Variants in TENM2 observed in about 807,000 individuals in gnomAD.
The protein encoded by TENM2 is teneurin transmembrane protein 2.
Under a neutral mutation model 245.2 loss-of-function variants are expected in TENM2, and 52 were observed. The observed-to-expected ratio is 0.21, with a 90% CI of 0.17 to 0.27. TENM2 has a LOEUF of 0.27. Among genes scored for constraint, TENM2 ranks in the 10% least tolerant of loss-of-function variants. TENM2 has a pLI of 1.00. For missense variants in TENM2, 3,046 were observed against 3,666.8 expected, an observed-to-expected ratio of 0.83 and a Z score of 4.37; for synonymous variants, 1,363 against 1,438.9, an observed-to-expected ratio of 0.95 and a Z score of 1.19.
the TENM2 span, among the ~76,000 whole-genome samples, chr5:167,169,928 A>G: frequency 1.3e-5 from 2 of 152,198 alleles, no homozygotes; most frequent in African/African-American, 2.4e-5. Context: ...CTTGACAGAT[A>G]GGGCCATCTA....
At chr5:167,471,670 T>A (rs1767037949) in intron 2 of TENM2, among the ~76,000 whole-genome samples, 2 of 152,220 alleles carry the variant, frequency 1.3e-5, no homozygotes. Context: ...CGTGGCAGAC[T>A]ATATAATACG....
At chr5:167,886,694 G>T (rs746753680) in intron 3 of TENM2, among the ~76,000 whole-genome samples, 2 of 152,138 alleles carry the variant, frequency 1.3e-5, no homozygotes, top group African/African-American at 4.8e-5. Context: ...GTTATAGAAC[G>T]ATTTAATTCT....
intron 2 of TENM2, among the ~76,000 whole-genome samples, chr5:167,446,793 GCACACACA>G (rs34343283): frequency 0.011 from 1,594 of 143,994 alleles, 26 homozygotes; most frequent in African/African-American, 0.033. Context: ...TTTGAAACAC[GCACACACA>G]CACACACACA....
chr5:168,156,456 A>G (rs1485402981), intron 12 of TENM2, among the ~76,000 whole-genome samples: 1 of 151,962 alleles, frequency 6.6e-6, no homozygotes. Context: ...TTTCTTAGGC[A>G]TGCTTGATGT....
the TENM2 span, among the ~76,000 whole-genome samples, chr5:167,066,571 C>T: frequency 5.4e-5 from 8 of 149,182 alleles, no homozygotes; most frequent in Admixed American, 1.3e-4. Context: ...GTGATGTTCC[C>T]CTTCCTGTGT....
At chr5:167,629,628 A>G (rs1398270657) in intron 2 of TENM2, among the ~76,000 whole-genome samples, 1 of 152,216 alleles carries the variant, frequency 6.6e-6, no homozygotes. Context: ...AACTCTGAAC[A>G]CTTTCAAGGC....
At chr5:167,313,896 T>C (rs1013561402) in intron 1 of TENM2, among the ~76,000 whole-genome samples, 2 of 152,172 alleles carry the variant, frequency 1.3e-5, no homozygotes, top group African/African-American at 2.4e-5. Context: ...TCAATCCCAT[T>C]TGGAGTAAAG....
rs138488648 is a variant in TENM2, at chr5:168,057,420, C to T, written c.1310-4640C>T. On this transcript the variant is annotated intron_variant, in intron 6 of 28. Transcript: ENST00000518659. Reference sequence around the variant, plus strand: ...GACCACAATAGGCTAATAAGGAATGCCATTTAAGATATCTTTGGGTCTGAG... The same window carrying T: ...GACCACAATAGGCTAATAAGGAATGTCATTTAAGATATCTTTGGGTCTGAG... Among the ~76,000 whole-genome samples the T allele has an allele frequency of 9.9e-5, 15 of 152,132 alleles. No homozygotes were observed. In the East Asian group the frequency reaches 2.7e-3, roughly 28 times the overall value.
chr5:167,020,617 CA>C, the TENM2 span, among the ~76,000 whole-genome samples: 6 of 152,168 alleles, frequency 3.9e-5, no homozygotes, highest in Non-Finnish European at 7.3e-5. Context: ...CTTCTCTGTG[CA>C]ACTGATTGAA....
chr5:167,581,975 T>C (rs1464400356), intron 2 of TENM2, among the ~76,000 whole-genome samples: 1 of 152,092 alleles, frequency 6.6e-6, no homozygotes, highest in African/African-American at 2.4e-5. Context: ...TAGGTATCTC[T>C]ACATTTTACA....
chr5:167,721,646 T>C (rs983192226), intron 2 of TENM2, among the ~76,000 whole-genome samples: 3 of 152,156 alleles, frequency 2.0e-5, no homozygotes, highest in African/African-American at 7.2e-5. Context: ...ATTTCCCCAC[T>C]TAGAAGGACA....
At chr5:167,020,524 G>T in the TENM2 span, among the ~76,000 whole-genome samples, 1 of 152,176 alleles carries the variant, frequency 6.6e-6, no homozygotes, top group South Asian at 2.1e-4. Flanking sequence ...TGGGGTGAAA[G>T]GTTTTGCTAG....
At chr5:168,135,419 G>A (rs1370490400) in intron 12 of TENM2, among the ~76,000 whole-genome samples, 1 of 152,142 alleles carries the variant, frequency 6.6e-6, no homozygotes, top group Non-Finnish European at 1.5e-5. Context: ...AAAGCTTGCT[G>A]TTATTGCCTT....
intron 27 of TENM2, among the ~76,000 whole-genome samples, chr5:168,256,842 G>A (rs984574307): frequency 5.9e-5 from 9 of 152,190 alleles, no homozygotes; most frequent in Non-Finnish European, 1.2e-4. Context: ...TCTCCTTAGA[G>A]GGTTCTTATA....
the TENM2 span, among the ~76,000 whole-genome samples, chr5:167,220,529 A>C: frequency 6.6e-6 from 1 of 152,212 alleles, no homozygotes. Flanking sequence ...ATCCCAAATA[A>C]GAATCAATGT....
the TENM2 span, among the ~76,000 whole-genome samples, chr5:167,250,257 G>A: frequency 2.0e-5 from 3 of 152,080 alleles, no homozygotes; most frequent in South Asian, 2.1e-4. Context: ...AGAGATCAAA[G>A]CTGCAGTAAG....
intron 2 of TENM2, among the ~76,000 whole-genome samples, chr5:167,505,998 T>C (rs1354453912): frequency 6.6e-6 from 1 of 151,760 alleles, no homozygotes; most frequent in Non-Finnish European, 1.5e-5. Flanking sequence ...CTGGGTAACA[T>C]AGTGAGACCC....
At chr5:167,448,510 T>A (rs1256590747) in intron 2 of TENM2, among the ~76,000 whole-genome samples, 1 of 149,178 alleles carries the variant, frequency 6.7e-6, no homozygotes, top group Non-Finnish European at 1.5e-5. Context: ...AAAAAGTATC[T>A]TGCTATCTCG....
intron 1 of TENM2, among the ~76,000 whole-genome samples, chr5:167,318,159 T>G (rs1243400988): frequency 6.6e-6 from 1 of 152,174 alleles, no homozygotes; most frequent in Admixed American, 6.5e-5. Flanking sequence ...TATAAATGGC[T>G]TCAGTTCACT....
Sources: allele counts gnomAD v4.1 joint callset (sites outside exome capture counted in the v4.1 genomes callset), GRCh38; gene constraint gnomAD v4.1.1; transcripts MANE v1.5; gene names NCBI Gene and HGNC (gene_info 2026-07-23, HGNC 2026-07-21).